ACP7: variants seen among roughly 807,000 people sequenced by gnomAD.
ACP7 encodes the protein acid phosphatase 7, tartrate resistant (putative), also known as acid phosphatase type 7.
Under a neutral mutation model 60.6 loss-of-function variants are expected in ACP7, and 58 were observed. The ratio of observed to expected loss-of-function variants is 0.96; its 90% CI spans 0.77 to 1.19. The LOEUF is 1.19. Among genes scored for constraint, ACP7 ranks in the 50% most tolerant of loss-of-function variants. The pLI is 0.00. For missense variants in ACP7, 574 were observed against 596.2 expected (o/e 0.96, Z 0.39); for synonymous variants, 237 against 232.6 (o/e 1.02, Z -0.17).
chr19:39,109,709 A>AT (rs1385591438), intron 12 of ACP7, among the ~76,000 whole-genome samples: 3 of 142,950 alleles, frequency 2.1e-5, no homozygotes, highest in African/African-American at 7.5e-5. Context: ...AAAAAAAAAA[A>AT]GGAGAGAGAG....
At chr19:39,107,508 C>T (rs112561905) in intron 12 of ACP7, among the ~76,000 whole-genome samples, 28,574 of 146,228 alleles carry the variant, frequency 0.2, 2,770 homozygotes, top group Non-Finnish European at 0.21. Flanking sequence ...GGCGTGAACC[C>T]GGGAGGCAGA....
Position 39,100,598 on chromosome 19 carries a change from G to A in ACP7, c.648G>A (p.Lys216=), listed in dbSNP as rs945622251. 5 of 1,613,910 alleles carry A rather than the reference G, an allele frequency of 3.1e-6. No individual in the cohort carries two copies. The African/African-American group carries it at 5.3e-5, about 17-fold the overall frequency. ...ATTCCAGCAACTTCTCTAACTACAA[G>A]GCTCGCTTCAGCATGCCGGGGGATA... ...HEERYNFSNY[K]ARFSMPGDNE... Residue 216 remains lysine (K), a synonymous_variant, in exon 6 of 13, where the codon AAG becomes AAA. Coordinates refer to ENST00000331256, the MANE Select transcript of ACP7 (RefSeq NM_001004318.3).
intron 2 of ACP7, among the ~76,000 whole-genome samples, chr19:39,095,395 G>C (rs1309623044): frequency 6.6e-6 from 1 of 152,200 alleles, no homozygotes; most frequent in African/African-American, 2.4e-5. Context: ...AAATCCAGCA[G>C]GGCAGTCAAA....
intron 11 of ACP7, among the ~76,000 whole-genome samples, chr19:39,102,781 T>TCTCTC: frequency 8.5e-6 from 1 of 118,182 alleles, no homozygotes; most frequent in African/African-American, 3.3e-5. Context: ...CTCTCTCTCT[T>TCTCTC]TCTCTCTCTC....
intron 2 of ACP7, 48 bp downstream of exon 2, chr19:39,085,438 G>C: frequency 6.5e-7 from 1 of 1,548,008 alleles, no homozygotes; most frequent in Non-Finnish European, 8.7e-7. Context: ...GAGGCCCAGC[G>C]GTGCTTCGTT....
rs574850447 is a variant in ACP7 at position 39,107,074 on chromosome 19, C to T, written c.1241C>T (p.Ser414Leu). 2.2e-5 allele frequency: 36 copies of T among 1,613,884 alleles called. No individual in the cohort carries two copies. In the East Asian group the frequency reaches 2.9e-4, roughly 13 times the overall value. The part of the protein sequence containing the change: ...NGTHIHIQQV[S>L]DDQDGKIVDD... ...ACCCACATCCACATCCAGCAGGTGTCGGACGACCAGGTCAGTGAGGGGCAG... is the reference window on the plus strand; with the variant it reads ...ACCCACATCCACATCCAGCAGGTGTTGGACGACCAGGTCAGTGAGGGGCAG... Residue 414 changes from serine to leucine, a missense_variant, in exon 12 of 13, where the codon TCG becomes TTG. Transcript: ENST00000331256.
rs1455262178 is a variant in ACP7, at chr19:39,100,264, T to C, written c.543T>C (p.Arg181=). The part of the protein sequence containing the change: ...FAYNLDQDNA[R]VGDRFMRLIE... ...ACAACCTGGATCAGGACAACGCCCG[T>C]GTTGGGGATAGGTTCATGCGGCTCA... Residue 181 remains arginine, a synonymous_variant, in exon 5 of 13, where the codon CGT becomes CGC. Transcript: ENST00000331256. 6.2e-7 allele frequency: 1 copy of C among 1,613,512 alleles called. No homozygotes were observed.
At chr19:39,102,771 C>T (rs1488716829) in intron 11 of ACP7, among the ~76,000 whole-genome samples, 48 of 118,790 alleles carry the variant, frequency 4.0e-4, no homozygotes, top group African/African-American at 1.1e-3. Flanking sequence ...TTCTTTCTCT[C>T]TCTCTCTCTT....
At chr19:39,090,790 C>CTTT (rs35453957) in intron 2 of ACP7, among the ~76,000 whole-genome samples, 9 of 133,476 alleles carry the variant, frequency 6.7e-5, no homozygotes, top group African/African-American at 1.9e-4. Context: ...CTTCCCACTT[C>CTTT]TTTTTTTTTT....
At position 39,101,009 on chromosome 19, in the gene ACP7, T is replaced by G. The variant is rs761876959; in HGVS notation, c.868T>G (p.Tyr290Asp). 1.2e-6 allele frequency: 2 copies of G among 1,613,956 alleles called. No individual in the cohort carries two copies. The highest frequency in any genetic ancestry group is 1.3e-5 in the African/African-American group (1 of 75,000). ...CATCACTATGGGGCACCGGCCCATG[T>G]ACTGCTCCAACGCAGATCTGGACGA... Reference protein sequence around the residue: ...WIITMGHRPMYCSNADLDDCT... With the variant: ...WIITMGHRPMDCSNADLDDCT... Residue 290 changes from tyrosine (Y) to aspartate (D), a missense_variant, in exon 8 of 13, where the codon TAC (tyrosine) becomes GAC (aspartate). By Grantham distance (160) the Tyr-to-Asp change is radical. Coordinates refer to ENST00000331256, the MANE Select transcript of ACP7 (RefSeq NM_001004318.3).
rs372498950 is a variant in ACP7, at chr19:39,101,239, C to T, written c.973+32C>T. 1.1e-5 allele frequency: 18 copies of T among 1,614,044 alleles called. No individual in the cohort carries two copies. The African/African-American group carries it at 2.1e-4, about 19-fold the overall frequency. The stretch of plus-strand genomic sequence containing the variant: ...GACCCTCAGGACCCATGCCCCACAC[C>T]CCACCTCTCCCCAATTCAGAGGTCT... On this transcript the variant is annotated intron_variant, in intron 9 of 12. Coordinates refer to ENST00000331256, the MANE Select transcript of ACP7 (RefSeq NM_001004318.3).
chr19:39,097,123 C>T (rs73045452), intron 2 of ACP7, among the ~76,000 whole-genome samples: 15 of 152,156 alleles, frequency 9.9e-5, no homozygotes, highest in African/African-American at 3.4e-4. Context: ...TCTGACATGG[C>T]GGTGGCAAGA....
rs1388136191 is a variant in ACP7, at chr19:39,100,337, C to A, written c.616C>A (p.His206Asn). 1 of 1,614,134 alleles carries A rather than the reference C, an allele frequency of 6.2e-7. No homozygotes were observed. Among genetic ancestry groups the A allele is most frequent in the South Asian group, 1.1e-5 (1 of 91,068 alleles). The change falls in exon 5 of 13, where the codon CAT becomes AAT. Residue 206 changes from histidine (H) to asparagine (N), a missense_variant. Coordinates refer to ENST00000331256, the MANE Select transcript of ACP7 (RefSeq NM_001004318.3). ...GCCGTACATGACATGCCCTGGGAAT[C>A]ATGAAGAACGCTAGTGAGGACTGAG... ...SLPYMTCPGNHEERYNFSNYK... is the reference protein window; with the variant it reads ...SLPYMTCPGNNEERYNFSNYK...
At chr19:39,105,146 G>A (rs2073397661) in intron 11 of ACP7, among the ~76,000 whole-genome samples, 1 of 151,682 alleles carries the variant, frequency 6.6e-6, no homozygotes, top group Non-Finnish European at 1.5e-5. Context: ...CTCCTGAGTA[G>A]CTGGGATTAC....
chr19:39,096,863 G>A (rs141376419), intron 2 of ACP7, among the ~76,000 whole-genome samples: 9,072 of 152,136 alleles, frequency 0.06, 475 homozygotes, highest in African/African-American at 0.15. Flanking sequence ...ATGCAGTGGC[G>A]TGCTCTTGGC....
In ACP7 at chr19:39,111,445, A is replaced by C. The variant is rs1490463792; in HGVS notation, c.*1327A>C. 6.6e-6 allele frequency: 1 copy of C among 152,264 alleles called. No individual in the cohort carries two copies. Among genetic ancestry groups the C allele is most frequent in the African/African-American group, 2.4e-5 (1 of 41,448 alleles). The allele number at this position is 152,264 out of a possible 1,614,324, so 9.4% of individuals were successfully genotyped here. On this transcript the variant is annotated 3_prime_UTR_variant, in exon 13 of 13. Transcript: ENST00000331256. ...AACAGAGCAAGACCCTGTCTCAAAA[A>C]ATATATATAAATAAAAAAGTTTTAA...
intron 2 of ACP7, among the ~76,000 whole-genome samples, chr19:39,088,164 G>A (rs2073165686): frequency 6.6e-6 from 1 of 151,788 alleles, no homozygotes; most frequent in Admixed American, 6.6e-5. Flanking sequence ...TGGGACTACA[G>A]ACGTGCACTA....
intron 2 of ACP7, among the ~76,000 whole-genome samples, chr19:39,097,813 G>C (rs2073284420): frequency 6.6e-6 from 1 of 151,976 alleles, no homozygotes; most frequent in Non-Finnish European, 1.5e-5. Flanking sequence ...ATAACCCTAA[G>C]TGTACTAGGT....
chr19:39,090,547 A>T (rs2073192369), intron 2 of ACP7, among the ~76,000 whole-genome samples: 2 of 151,940 alleles, frequency 1.3e-5, no homozygotes, highest in African/African-American at 2.4e-5. Flanking sequence ...CAGTGGCGCG[A>T]TCTCAGCTCA....
Sources: gnomAD v4.1 joint callset for allele counts (sites outside exome capture counted in the v4.1 genomes callset) on GRCh38, gnomAD v4.1.1 for gene constraint, MANE v1.5 for transcripts, NCBI Gene and HGNC (gene_info 2026-07-23, HGNC 2026-07-21) for gene names.